Variants in ACTR3 observed in about 807,000 individuals in gnomAD.
The protein encoded by ACTR3 is actin-related protein 3.
In ACTR3, 12 loss-of-function variants were observed where a neutral mutation model predicts 56.8. The ratio of observed to expected loss-of-function variants is 0.21; its 90% CI spans 0.14 to 0.34. The LOEUF (loss-of-function observed/expected upper bound fraction) is 0.34, where lower values mean the gene tolerates loss of function less well. Among genes scored for constraint, ACTR3 ranks in the 10% least tolerant of loss-of-function variants. ACTR3 has a pLI of 1.00. For missense variants in ACTR3, 282 were observed against 512.5 expected (o/e 0.55, Z 4.34); for synonymous variants, 162 against 167.4 (o/e 0.97, Z 0.25).
chr2:113,901,913 A>G (rs558609692), intron 1 of ACTR3, among the ~76,000 whole-genome samples: 1 of 152,358 alleles, frequency 6.6e-6, no homozygotes, highest in African/African-American at 2.4e-5. Flanking sequence ...GTAAAATTAA[A>G]AATAATATCC....
chr2:113,928,833 C>G (rs1362620466), intron 4 of ACTR3, among the ~76,000 whole-genome samples: 1 of 152,152 alleles, frequency 6.6e-6, no homozygotes, highest in Non-Finnish European at 1.5e-5. Flanking sequence ...AGAGAAATTA[C>G]TATCAGCGTG....
chr2:113,948,420 G>A (rs1252079171), intron 8 of ACTR3, among the ~76,000 whole-genome samples: 1 of 152,192 alleles, frequency 6.6e-6, no homozygotes, highest in African/African-American at 2.4e-5. Context: ...AAAGCGCTGG[G>A]ATTATAGGAA....
At chr2:113,950,424 A>G (rs1048896137) in intron 8 of ACTR3, among the ~76,000 whole-genome samples, 5 of 152,254 alleles carry the variant, frequency 3.3e-5, no homozygotes, top group African/African-American at 1.2e-4. Flanking sequence ...ACTAGATAGC[A>G]GAGTATCATC....
At chr2:113,931,454 C>A in intron 5 of ACTR3, 58 bp downstream of exon 5, 1 of 1,218,142 alleles carries the variant, frequency 8.2e-7, no homozygotes, top group Non-Finnish European at 1.1e-6. Flanking sequence ...GTTTAATTTG[C>A]TGCCTAAAAT....
Position 113,908,441 on chromosome 2 carries a change from GC to G in ACTR3, c.45-4730del, listed in dbSNP as rs1302557699. On this transcript the variant is annotated intron_variant, in intron 1 of 11. Transcript: ENST00000263238. ...ATGGAGGCTAGTTTACATTTGAAAA[GC>G]TTTTATTTTGGAGTTTTAAATAAAT... Among the ~76,000 whole-genome samples the G allele has an allele frequency of 2.0e-5, 3 of 151,362 alleles. No individual in the cohort carries two copies. The East Asian group carries it at 5.8e-4, about 29-fold the overall frequency.
At chr2:113,938,865 T>C (rs1679874859) in intron 6 of ACTR3, among the ~76,000 whole-genome samples, 1 of 152,158 alleles carries the variant, frequency 6.6e-6, no homozygotes, top group Non-Finnish European at 1.5e-5. Flanking sequence ...TATCCCTAAC[T>C]TAATGAGACC....
At chr2:113,935,817 G>GC (rs1679814403) in intron 6 of ACTR3, among the ~76,000 whole-genome samples, 1 of 152,042 alleles carries the variant, frequency 6.6e-6, no homozygotes, top group Non-Finnish European at 1.5e-5. Context: ...TAATTGACTT[G>GC]CCTAAGGTCA....
intron 5 of ACTR3, among the ~76,000 whole-genome samples, chr2:113,932,685 A>G (rs1019428384): frequency 6.6e-6 from 1 of 152,210 alleles, no homozygotes; most frequent in Non-Finnish European, 1.5e-5. Flanking sequence ...GATCAGAGAT[A>G]ATTCTTGGTT....
In ACTR3 at chr2:113,962,256, T is replaced by C. The variant is rs2104639980; in HGVS notation, c.*4801T>C. On this transcript the variant is annotated 3_prime_UTR_variant, in exon 12 of 12. Coordinates refer to ENST00000263238, the MANE Select transcript of ACTR3 (RefSeq NM_005721.5). ...CTGAAGCAGGTCTTAAATAATTATC[T>C]AAGCCTTCAGTCATTTCAAAATCTC... 1 of 152,086 alleles carries C rather than the reference T, an allele frequency of 6.6e-6. No individual in the cohort carries two copies. Among genetic ancestry groups the C allele is most frequent in the Non-Finnish European group, 1.5e-5 (1 of 67,886 alleles). 9.4% of individuals were successfully genotyped at this position (152,086 alleles called of 1,614,324 possible).
rs576896615 is a variant in ACTR3, at chr2:113,890,228, C to T, written c.-52C>T. On this transcript the variant is annotated 5_prime_UTR_variant, in exon 1 of 12. Transcript: ENST00000263238. ...TGTCTCCCGCCGCCAATCTCTGGCC[C>T]CTAGCAGCACGGAGCAGACGGCGGC... 33 of 1,550,996 alleles carry T rather than the reference C, an allele frequency of 2.1e-5. No individual in the cohort carries two copies. The African/African-American group carries it at 4.1e-4, about 19-fold the overall frequency.
chr2:113,946,971 A>T (rs1424079998), intron 8 of ACTR3, among the ~76,000 whole-genome samples: 3 of 152,288 alleles, frequency 2.0e-5, no homozygotes, highest in South Asian at 4.1e-4. Context: ...TTGCCCCCTG[A>T]TTCATCCTTG....
At chr2:113,931,797 A>G (rs1679727584) in intron 5 of ACTR3, among the ~76,000 whole-genome samples, 1 of 150,650 alleles carries the variant, frequency 6.6e-6, no homozygotes, top group Admixed American at 6.6e-5. Context: ...CTTTAGGTAT[A>G]TTTGACACCC....
At chr2:113,955,773 C>A in intron 11 of ACTR3, 67 bp downstream of exon 11, 1 of 1,307,700 alleles carries the variant, frequency 7.6e-7, no homozygotes, top group Non-Finnish European at 1.1e-6. Flanking sequence ...TTGAGGTGGA[C>A]TTTCGCTCTT....
chr2:113,916,840 T>A (rs1162634794), intron 2 of ACTR3, 44 bp from the exon 3 acceptor site: 1 of 1,546,720 alleles, frequency 6.5e-7, no homozygotes, highest in Non-Finnish European at 8.8e-7. Context: ...GTTTTTCTCA[T>A]TTGAGGAAAA....
intron 1 of ACTR3, among the ~76,000 whole-genome samples, chr2:113,893,296 G>T (rs1339033845): frequency 2.7e-5 from 4 of 150,918 alleles, no homozygotes; most frequent in African/African-American, 9.8e-5. Context: ...TTTTTTGTTT[G>T]TTTGTTTGTT....
chr2:113,918,234 A>G (rs975694948), intron 3 of ACTR3, among the ~76,000 whole-genome samples: 3 of 152,162 alleles, frequency 2.0e-5, no homozygotes, highest in Non-Finnish European at 4.4e-5. Context: ...TTAAAGTGCA[A>G]ATATTGGAAT....
chr2:113,916,040 G>A (rs1047441389), intron 2 of ACTR3, among the ~76,000 whole-genome samples: 1 of 152,128 alleles, frequency 6.6e-6, no homozygotes, highest in African/African-American at 2.4e-5. Context: ...TATGTACACT[G>A]TAAGTAAATT....
chr2:113,921,428 T>C (rs1222595077), intron 3 of ACTR3, among the ~76,000 whole-genome samples: 1 of 152,134 alleles, frequency 6.6e-6, no homozygotes, highest in Admixed American at 6.5e-5. Context: ...ATAACTTGTA[T>C]TTTCCCTCTG....
chr2:113,947,012 TGTCATTTTAGCGGAGA>T (rs1050698750), intron 8 of ACTR3, among the ~76,000 whole-genome samples: 1 of 152,252 alleles, frequency 6.6e-6, no homozygotes, highest in African/African-American at 2.4e-5. Flanking sequence ...ATTCTCTTGC[TGTCATTTTAGCGGAGA>T]GTCAAGAGAC....
Sources: gnomAD v4.1 joint callset for allele counts (sites outside exome capture counted in the v4.1 genomes callset) on GRCh38, gnomAD v4.1.1 for gene constraint, MANE v1.5 for transcripts, NCBI Gene and HGNC (gene_info 2026-07-23, HGNC 2026-07-21) for gene names.